The following IGSF11 variants were observed in gnomAD, a reference collection of about 807,000 sequenced individuals.
IGSF11 encodes CXADR like 1.
Under a neutral mutation model 41.0 loss-of-function variants are expected in IGSF11, and 22 were observed. That is an observed-to-expected ratio of 0.54 (90% CI 0.38 to 0.77). IGSF11 has a LOEUF of 0.77. Among genes scored for constraint, IGSF11 ranks in the 30% least tolerant of loss-of-function variants. The probability of loss-of-function intolerance (pLI) is 0.00; values close to 1 mark genes in which losing one functional copy is unlikely to be tolerated. For missense variants in IGSF11, 444 were observed against 530.8 expected (o/e 0.84, Z 1.61); for synonymous variants, 219 against 201.3 (o/e 1.09, Z -0.74).
chr3:119,074,719 G>T (rs2076463185), intron 1 of IGSF11, among the ~76,000 whole-genome samples: 1 of 151,974 alleles, frequency 6.6e-6, no homozygotes, highest in Non-Finnish European at 1.5e-5. Flanking sequence ...GGGCATGGTG[G>T]CAGGTGCCTG....
At chr3:119,064,297 A>G (rs1395846738) in intron 1 of IGSF11, among the ~76,000 whole-genome samples, 2 of 152,338 alleles carry the variant, frequency 1.3e-5, no homozygotes, top group East Asian at 3.9e-4. Context: ...TCATTTGTTT[A>G]AAAAGGCTTT....
intron 3 of IGSF11, among the ~76,000 whole-genome samples, chr3:118,928,211 T>C (rs1248219418): frequency 1.3e-5 from 2 of 152,224 alleles, no homozygotes; most frequent in Non-Finnish European, 2.9e-5. Context: ...CAATAAGTTC[T>C]GTACTGTAGA....
intron 1 of IGSF11, among the ~76,000 whole-genome samples, chr3:119,115,304 A>G (rs1239454862): frequency 6.6e-6 from 1 of 152,184 alleles, no homozygotes; most frequent in Non-Finnish European, 1.5e-5. Flanking sequence ...CGCTATTTTT[A>G]GTTTTTTGAG....
chr3:119,064,758 G>T (rs1054841847), intron 1 of IGSF11, among the ~76,000 whole-genome samples: 1 of 151,584 alleles, frequency 6.6e-6, no homozygotes, highest in Non-Finnish European at 1.5e-5. Context: ...TTTATTGCTC[G>T]TATGTGACAT....
chr3:119,077,305 T>C (rs1299529569), intron 1 of IGSF11, among the ~76,000 whole-genome samples: 1 of 151,862 alleles, frequency 6.6e-6, no homozygotes, highest in Non-Finnish European at 1.5e-5. Flanking sequence ...CATTAGGAGA[T>C]ATACCTAATG....
chr3:119,092,518 C>T (rs774028185), intron 1 of IGSF11, among the ~76,000 whole-genome samples: 12 of 151,952 alleles, frequency 7.9e-5, no homozygotes, highest in Admixed American at 1.3e-4. Flanking sequence ...TTAGTAGAGA[C>T]GTGGTTTCGC....
intron 1 of IGSF11, among the ~76,000 whole-genome samples, chr3:119,145,081 T>C (rs1300860553): frequency 6.6e-6 from 1 of 152,224 alleles, no homozygotes. Flanking sequence ...GTTACATAAA[T>C]GACTTTACTT....
intron 1 of IGSF11, among the ~76,000 whole-genome samples, chr3:118,986,761 T>C (rs1201887276): frequency 3.9e-5 from 6 of 152,236 alleles, no homozygotes; most frequent in African/African-American, 1.2e-4. Context: ...ATGTATACAC[T>C]AGTGCTTCTC....
intron 1 of IGSF11, among the ~76,000 whole-genome samples, chr3:119,139,497 T>C (rs1444062283): frequency 6.6e-6 from 1 of 152,184 alleles, no homozygotes; most frequent in African/African-American, 2.4e-5. Flanking sequence ...ATAAGTCTCA[T>C]GAGATCTGAT....
intron 1 of IGSF11, among the ~76,000 whole-genome samples, chr3:118,933,489 T>C (rs113027432): frequency 0.017 from 2,499 of 148,764 alleles, 51 homozygotes; most frequent in African/African-American, 0.042. Flanking sequence ...TATATATATA[T>C]ACACACACAC....
intron 1 of IGSF11, among the ~76,000 whole-genome samples, chr3:118,938,854 T>C (rs1943473414): frequency 6.6e-6 from 1 of 152,178 alleles, no homozygotes; most frequent in African/African-American, 2.4e-5. Context: ...GGATATTACA[T>C]AATGATAAAA....
At chr3:118,904,839 G>GA in intron 5 of IGSF11, 41 bp from the exon 6 acceptor site, 1 of 1,529,848 alleles carries the variant, frequency 6.5e-7, no homozygotes, top group Non-Finnish European at 8.9e-7. Flanking sequence ...AAAAGAGAAA[G>GA]AGAGAAATAG....
At chr3:119,071,717 T>A (rs2076403101) in intron 1 of IGSF11, among the ~76,000 whole-genome samples, 1 of 152,200 alleles carries the variant, frequency 6.6e-6, no homozygotes, top group Non-Finnish European at 1.5e-5. Context: ...AGATACATTG[T>A]CTTGATTCCT....
At chr3:118,944,080 C>T (rs1943923109) in intron 1 of IGSF11, among the ~76,000 whole-genome samples, 1 of 152,134 alleles carries the variant, frequency 6.6e-6, no homozygotes, top group African/African-American at 2.4e-5. Flanking sequence ...CCAAATTAAA[C>T]ACTATTTTTA....
intron 1 of IGSF11, among the ~76,000 whole-genome samples, chr3:118,993,532 T>C (rs1382065687): frequency 6.6e-6 from 1 of 152,078 alleles, no homozygotes; most frequent in African/African-American, 2.4e-5. Flanking sequence ...TAAAAACATA[T>C]CACATAAAAA....
chr3:119,115,049 G>A (rs902746090), intron 1 of IGSF11, among the ~76,000 whole-genome samples: 2 of 152,118 alleles, frequency 1.3e-5, no homozygotes, highest in African/African-American at 4.8e-5. Context: ...GAACAGTAAG[G>A]AAGAAGCCCA....
chr3:118,921,839 T>A (rs974718649), intron 4 of IGSF11, among the ~76,000 whole-genome samples: 3 of 152,074 alleles, frequency 2.0e-5, no homozygotes, highest in African/African-American at 7.2e-5. Flanking sequence ...AGAAATTAAA[T>A]CAGTAGTCAA....
intron 1 of IGSF11, among the ~76,000 whole-genome samples, chr3:118,987,342 G>A (rs762452502): frequency 3.3e-5 from 5 of 152,140 alleles, no homozygotes; most frequent in East Asian, 3.8e-4. Context: ...CCTCTCACAC[G>A]ACACCCACAT....
At chr3:118,916,774 A>T (rs1457607860) in intron 4 of IGSF11, among the ~76,000 whole-genome samples, 1 of 151,904 alleles carries the variant, frequency 6.6e-6, no homozygotes, top group African/African-American at 2.4e-5. Flanking sequence ...ACATCTACAG[A>T]ACTCTCCACC....
Sources: allele counts gnomAD v4.1 joint callset (sites outside exome capture counted in the v4.1 genomes callset), GRCh38; gene constraint gnomAD v4.1.1; transcripts MANE v1.5; gene names NCBI Gene and HGNC (gene_info 2026-07-23, HGNC 2026-07-21).